Variants in PRAG1 observed in about 807,000 individuals in gnomAD.
PRAG1 encodes the protein PEAK1 related, kinase-activating pseudokinase 1, also known as inactive tyrosine-protein kinase PRAG1.
PRAG1 carries 110 observed loss-of-function variants against 95.6 expected under a neutral mutation model. The ratio of observed to expected loss-of-function variants is 1.15; its 90% confidence interval spans 0.99 to 1.35. PRAG1 has a LOEUF of 1.35. PRAG1 is among the 40% of genes most tolerant of loss of function. The probability of loss-of-function intolerance (pLI) is 0.00; values close to 1 mark genes in which losing one functional copy is unlikely to be tolerated. For missense variants in PRAG1, 2,554 were observed against 1,864.7 expected (o/e 1.37, Z -6.81); for synonymous variants, 1,052 against 819.4 (o/e 1.28, Z -4.85).
In PRAG1 at chr8:8,377,092, G is replaced by C. The variant is rs1178006596; in HGVS notation, c.1317C>G (p.Ala439=). The C allele has an allele frequency of 1.9e-6, 3 of 1,613,620 alleles. No individual in the cohort carries two copies. Among genetic ancestry groups the C allele is most frequent in the African/African-American group, 1.3e-5 (1 of 74,948 alleles). ...SQAKIEHAAA[A]QGQGQVCTGN... ...CTGTGCATACCTGGCCTTGGCCCTG[G>C]GCAGCAGCTGCATGTTCTATCTTGG... Residue 439 remains alanine (A), a synonymous_variant, in exon 3 of 6, where the codon GCC becomes GCG. Coordinates refer to ENST00000615670, the MANE Select transcript of PRAG1 (RefSeq NM_001080826.3).
chr8:8,376,160 G>T, intron 3 of PRAG1, 87 bp downstream of exon 3: 6 of 1,505,494 alleles, frequency 4.0e-6, no homozygotes, highest in Non-Finnish European at 4.4e-6. Context: ...TGGGACCTGG[G>T]CCTGAAAGCT....
chr8:8,382,677 G>A (rs1800722091), intron 1 of PRAG1, among the ~76,000 whole-genome samples: 1 of 152,184 alleles, frequency 6.6e-6, no homozygotes, highest in Non-Finnish European at 1.5e-5. Flanking sequence ...TTGCTTCTTA[G>A]AGTAAAACTG....
In PRAG1 at chr8:8,381,530, CCTT is replaced by C; in HGVS notation, c.215_217del (p.Glu72del). 6.2e-7 allele frequency: 1 copy of C among 1,614,198 alleles called. No homozygotes were observed. The highest frequency in any genetic ancestry group is 8.5e-7 in the Non-Finnish European group (1 of 1,180,020). ...CTTGGAGTAAGGTGAGCTGTTCACA[CCTT>C]CATCTTCCAGGCGGCAGTTCTCAGG... is the stretch of plus-strand genomic sequence containing the variant. On this transcript the variant is annotated inframe_deletion, in exon 2 of 6. Transcript: ENST00000615670.
intron 5 of PRAG1, among the ~76,000 whole-genome samples, chr8:8,320,151 C>T (rs899775231): frequency 6.6e-6 from 1 of 152,156 alleles, no homozygotes; most frequent in African/African-American, 2.4e-5. Context: ...ACAGTATGGA[C>T]AAATTCTCAA....
chr8:8,361,165 A>G (rs977656859), intron 3 of PRAG1, among the ~76,000 whole-genome samples: 17 of 152,220 alleles, frequency 1.1e-4, no homozygotes, highest in Admixed American at 1.0e-3. Context: ...TACAAAGTCA[A>G]TGTCCCCCTC....
intron 3 of PRAG1, among the ~76,000 whole-genome samples, chr8:8,363,312 C>T (rs756436558): frequency 6.6e-6 from 1 of 152,184 alleles, no homozygotes; most frequent in Non-Finnish European, 1.5e-5. Flanking sequence ...TTTGCCAGGA[C>T]ACTGGAAAAA....
Position 8,327,754 on chromosome 8 carries a change from A to C in PRAG1, c.3028T>G (p.Cys1010Gly). The change falls in exon 5 of 6, where the codon TGT becomes GGT. Residue 1010 changes from cysteine (C) to glycine (G), a missense_variant. By Grantham distance (159) the Cys-to-Gly change is radical. Coordinates refer to ENST00000615670, the MANE Select transcript of PRAG1 (RefSeq NM_001080826.3). ...CCDSGDAIYY[C>G]ATCSEDPGST... The stretch of plus-strand genomic sequence containing the variant: ...CCGGGGTCCTCAGAGCAGGTGGCAC[A>C]GTAATAAATGGCATCCCCCGAGTCA... 6.2e-7 allele frequency: 1 copy of C among 1,614,204 alleles called. No individual in the cohort carries two copies.
intron 4 of PRAG1, among the ~76,000 whole-genome samples, chr8:8,332,237 C>T (rs968052821): frequency 1.3e-5 from 2 of 150,706 alleles, no homozygotes; most frequent in East Asian, 1.9e-4. Flanking sequence ...TCTCGGCTCA[C>T]TGCAAACTCT....
intron 3 of PRAG1, among the ~76,000 whole-genome samples, chr8:8,375,531 G>A (rs930894311): frequency 6.6e-6 from 1 of 151,944 alleles, no homozygotes; most frequent in Non-Finnish European, 1.5e-5. Context: ...CACATCTGAG[G>A]GTTCCTAACC....
At chr8:8,333,444 C>A (rs1338841045) in intron 4 of PRAG1, among the ~76,000 whole-genome samples, 1 of 152,074 alleles carries the variant, frequency 6.6e-6, no homozygotes, top group African/African-American at 2.4e-5. Flanking sequence ...TTAAAAAGAC[C>A]AAGGGAAGGT....
At chr8:8,356,180 A>G (rs950384165) in intron 3 of PRAG1, among the ~76,000 whole-genome samples, 1 of 152,260 alleles carries the variant, frequency 6.6e-6, no homozygotes, top group Non-Finnish European at 1.5e-5. Flanking sequence ...GGTGTTCAAC[A>G]TCACTAATCA....
Position 8,378,019 on chromosome 8 carries a change from G to A in PRAG1, c.390C>T (p.Val130=), listed in dbSNP as rs199751798. ...CACCTCGGAAGCTGCCCAGGTAGAC[G>A]ACGGGGGCATCCTCCTGCTTCGGGA... ...LPLPKQEDAP[V]VYLGSFRGVQ... The change falls in exon 3 of 6, where the codon GTC becomes GTT. Residue 130 remains valine, a synonymous_variant. Transcript: ENST00000615670. 4.1e-4 allele frequency: 651 copies of A among 1,582,462 alleles called. No homozygotes were observed. The highest frequency in any genetic ancestry group is 5.3e-4 in the Non-Finnish European group (613 of 1,163,028).
chr8:8,324,674 C>T (rs990692738), intron 5 of PRAG1, among the ~76,000 whole-genome samples: 1 of 152,304 alleles, frequency 6.6e-6, no homozygotes, highest in Middle Eastern at 3.4e-3. Flanking sequence ...AAGTTTCTAA[C>T]GTTTTGCTGA....
intron 3 of PRAG1, among the ~76,000 whole-genome samples, chr8:8,368,634 A>G (rs956449764): frequency 2.6e-5 from 4 of 152,204 alleles, no homozygotes; most frequent in African/African-American, 7.2e-5. Context: ...TTTCCTACCA[A>G]TTGGTGAGTT....
intron 5 of PRAG1, among the ~76,000 whole-genome samples, chr8:8,321,820 A>C (rs1798479628): frequency 6.6e-6 from 1 of 152,208 alleles, no homozygotes; most frequent in Non-Finnish European, 1.5e-5. Context: ...TATTTGCAGG[A>C]GTTATGTTCT....
At chr8:8,369,223 T>C (rs897675377) in intron 3 of PRAG1, among the ~76,000 whole-genome samples, 1 of 151,868 alleles carries the variant, frequency 6.6e-6, no homozygotes, top group Admixed American at 6.6e-5. Context: ...TCAGTAATTC[T>C]CCATTGAACA....
intron 4 of PRAG1, among the ~76,000 whole-genome samples, chr8:8,337,280 T>C (rs1027344892): frequency 7.2e-5 from 11 of 152,306 alleles, no homozygotes; most frequent in Admixed American, 4.6e-4. Context: ...AAAGTTGCAA[T>C]GGATAAATAT....
chr8:8,336,516 C>G (rs1323991599), intron 4 of PRAG1, among the ~76,000 whole-genome samples: 1 of 152,096 alleles, frequency 6.6e-6, no homozygotes, highest in Non-Finnish European at 1.5e-5. Flanking sequence ...TTGAATTGGA[C>G]AAATGGGATA....
chr8:8,337,411 G>A (rs6601692), intron 4 of PRAG1, among the ~76,000 whole-genome samples: 5,367 of 152,192 alleles, frequency 0.035, 303 homozygotes, highest in African/African-American at 0.12. Flanking sequence ...CATATTACAT[G>A]ACCAGTAGTT....
Sources: gnomAD v4.1 joint callset for allele counts (sites outside exome capture counted in the v4.1 genomes callset) on GRCh38, gnomAD v4.1.1 for gene constraint, MANE v1.5 for transcripts, NCBI Gene and HGNC (gene_info 2026-07-23, HGNC 2026-07-21) for gene names.